Variants in SLC7A11 observed in about 807,000 individuals in gnomAD.
The protein encoded by SLC7A11 is cystine/glutamate transporter.
Under a neutral mutation model 54.5 loss-of-function variants are expected in SLC7A11, and 35 were observed. The observed-to-expected ratio is 0.64, with a 90% CI of 0.49 to 0.85. The LOEUF (loss-of-function observed/expected upper bound fraction) is 0.85, where lower values mean the gene tolerates loss of function less well. SLC7A11 is among the 40% of genes least tolerant of loss of function. The pLI is 0.00. For missense variants in SLC7A11, 583 were observed against 618.1 expected, an observed-to-expected ratio of 0.94 and a Z score of 0.60; for synonymous variants, 230 against 225.2, an observed-to-expected ratio of 1.02 and a Z score of -0.19.
At chr4:138,175,643 G>GTTTTC (rs1553941215) in intron 11 of SLC7A11, 1 of 152,114 alleles carries the variant, frequency 6.6e-6, no homozygotes, top group African/African-American at 2.4e-5. Flanking sequence ...TTAAGAGCAT[G>GTTTTC]TTTTCTTTTC....
intron 6 of SLC7A11, among the ~76,000 whole-genome samples, chr4:138,207,303 T>C (rs1737432820): frequency 1.3e-5 from 2 of 152,096 alleles, no homozygotes; most frequent in South Asian, 2.1e-4. Context: ...AAATACAATA[T>C]TGCTGTAATC....
At chr4:138,238,691 C>T (rs750151761) in intron 1 of SLC7A11, among the ~76,000 whole-genome samples, 1 of 152,050 alleles carries the variant, frequency 6.6e-6, no homozygotes, top group Admixed American at 6.6e-5. Context: ...CCTCTGCCTC[C>T]TGAGCTCAAG....
At chr4:138,219,825 A>T (rs1477943298) in intron 4 of SLC7A11, among the ~76,000 whole-genome samples, 1 of 152,104 alleles carries the variant, frequency 6.6e-6, no homozygotes, top group East Asian at 1.9e-4. Flanking sequence ...CCTTTCCTAC[A>T]CAATTTACCT....
intron 6 of SLC7A11, among the ~76,000 whole-genome samples, chr4:138,201,366 T>C (rs1381974758): frequency 1.3e-5 from 2 of 152,080 alleles, no homozygotes. Flanking sequence ...TTTCTTCCAC[T>C]TCTATAATTT....
intron 9 of SLC7A11, among the ~76,000 whole-genome samples, chr4:138,181,287 T>A (rs578010369): frequency 8.5e-5 from 13 of 152,158 alleles, no homozygotes; most frequent in Admixed American, 3.3e-4. Context: ...TTCTGTTGGC[T>A]CTTGATTGCA....
chr4:138,220,468 A>G (rs974214669), intron 4 of SLC7A11, among the ~76,000 whole-genome samples: 4 of 152,004 alleles, frequency 2.6e-5, no homozygotes, highest in African/African-American at 7.2e-5. Flanking sequence ...TTTTTTTCCT[A>G]GAAATATTGA....
rs141842325 is a variant in SLC7A11, at chr4:138,185,241, G to A, written c.795C>T (p.Thr265=). ...TGGATATACATATTGCAAGGGGAAT[G>A]GTTCTGAAATGCACAAAGGAATCAC... The part of the protein sequence containing the change: ...VTEEVENPEK[T]IPLAICISMA... The change falls in exon 7 of 12, where the codon ACC becomes ACT. Residue 265 remains threonine (T), a synonymous_variant. Coordinates refer to ENST00000280612, the MANE Select transcript of SLC7A11 (RefSeq NM_014331.4). The A allele has an allele frequency of 5.0e-6, 8 of 1,612,282 alleles. No individual in the cohort carries two copies. In the African/African-American group the frequency reaches 8.0e-5, roughly 16 times the overall value.
At chr4:138,188,138 A>C (rs964401940) in intron 6 of SLC7A11, among the ~76,000 whole-genome samples, 2 of 152,144 alleles carry the variant, frequency 1.3e-5, no homozygotes, top group African/African-American at 4.8e-5. Context: ...ATCTCAGCTC[A>C]CTGCAACTGC....
rs1737667027 is a variant in SLC7A11 at position 138,215,816 on chromosome 4, C to A, written c.747-1187G>T. On this transcript the variant is annotated intron_variant, in intron 5 of 11. Transcript: ENST00000280612. ...CACCACCAATGAAAAATCACACACC[C>A]CAAGAAATATTTTTAGGCTTCTCAT... Among the ~76,000 whole-genome samples, 7 of 152,034 alleles carry A rather than the reference C, an allele frequency of 4.6e-5. 1 individual carries two copies.
chr4:138,180,826 A>G (rs561134550), intron 9 of SLC7A11, 36 bp from the exon 10 acceptor site: 2 of 1,593,346 alleles, frequency 1.3e-6, no homozygotes, highest in Admixed American at 3.5e-5. Flanking sequence ...TGGTGAATTC[A>G]GTGAAAACAC....
intron 11 of SLC7A11, among the ~76,000 whole-genome samples, chr4:138,173,740 C>T (rs1456003616): frequency 6.6e-6 from 1 of 151,962 alleles, no homozygotes; most frequent in African/African-American, 2.4e-5. Context: ...AAGGGCCCAG[C>T]ACAGTCTCGG....
At chr4:138,189,886 G>A (rs1269038521) in intron 6 of SLC7A11, among the ~76,000 whole-genome samples, 2 of 152,108 alleles carry the variant, frequency 1.3e-5, no homozygotes, top group Non-Finnish European at 2.9e-5. Context: ...GAGACCTGAA[G>A]GTTAGAAGGA....
chr4:138,210,880 C>T (rs1737529363), intron 6 of SLC7A11, among the ~76,000 whole-genome samples: 1 of 152,034 alleles, frequency 6.6e-6, no homozygotes, highest in Non-Finnish European at 1.5e-5. Flanking sequence ...TTTGACTCAG[C>T]AATTCCATTA....
At position 138,171,839 on chromosome 4, in the gene SLC7A11, C is replaced by A; in HGVS notation, c.*117G>T. 1 of 1,275,844 alleles carries A rather than the reference C, an allele frequency of 7.8e-7. No individual in the cohort carries two copies. The highest frequency in any genetic ancestry group is 1.1e-6 in the Non-Finnish European group (1 of 940,774). 79.0% of individuals were successfully genotyped at this position (1,275,844 alleles called of 1,614,324 possible). On this transcript the variant is annotated 3_prime_UTR_variant, in exon 12 of 12. Coordinates refer to ENST00000280612, the MANE Select transcript of SLC7A11 (RefSeq NM_014331.4). ...TGCTAAAATATATGAATAAAAATAA[C>A]TGACTCCTTTTGTTTATCACCAAAG... is the stretch of plus-strand genomic sequence containing the variant.
At chr4:138,211,981 G>A (rs1202033214) in intron 6 of SLC7A11, among the ~76,000 whole-genome samples, 1 of 151,808 alleles carries the variant, frequency 6.6e-6, no homozygotes, top group African/African-American at 2.4e-5. Context: ...AGTAACCGTA[G>A]TTATCAAAAA....
intron 4 of SLC7A11, among the ~76,000 whole-genome samples, 157 bp from the exon 5 acceptor site, chr4:138,219,522 T>C (rs1168047140): frequency 6.6e-6 from 1 of 152,128 alleles, no homozygotes. Context: ...ACCCATTCTA[T>C]AGAAGGGGTC....
chr4:138,214,084 C>T (rs75119863), intron 6 of SLC7A11, among the ~76,000 whole-genome samples: 6,020 of 152,048 alleles, frequency 0.04, 183 homozygotes, highest in Non-Finnish European at 0.054. Flanking sequence ...AAAACTTATC[C>T]AGCTCCCCAA....
At chr4:138,186,494 T>C (rs1407653443) in intron 6 of SLC7A11, among the ~76,000 whole-genome samples, 1 of 152,136 alleles carries the variant, frequency 6.6e-6, no homozygotes, top group African/African-American at 2.4e-5. Flanking sequence ...TTATGCTGCT[T>C]GGAGCCTGAC....
In SLC7A11 at chr4:138,232,391, A is replaced by AC; in HGVS notation, c.405-10_405-9insG. Reference sequence around the variant, plus strand: ...CAGCAGTAGCTGCAGGGCTAAAAAAAAATGTATATATTTAGGTTAACCACA... The same window carrying AC: ...CAGCAGTAGCTGCAGGGCTAAAAAAACAATGTATATATTTAGGTTAACCACA... On this transcript the variant is annotated splice_polypyrimidine_tract_variant and intron_variant, in intron 2 of 11. Transcript: ENST00000280612. 6.6e-7 allele frequency: 1 copy of AC among 1,510,208 alleles called. No homozygotes were observed. Among genetic ancestry groups the AC allele is most frequent in the African/African-American group, 1.4e-5 (1 of 72,664 alleles). The allele number at this position is 1,510,208 out of a possible 1,614,324, so 93.6% of individuals were successfully genotyped here. A position where few individuals can be genotyped will look rare whatever the true frequency, so the allele number is the denominator to read the frequency against.
Sources: gnomAD v4.1 joint callset for allele counts (sites outside exome capture counted in the v4.1 genomes callset) on GRCh38, gnomAD v4.1.1 for gene constraint, MANE v1.5 for transcripts, NCBI Gene and HGNC (gene_info 2026-07-23, HGNC 2026-07-21) for gene names.